The following TDRD7 variants were observed in gnomAD, a reference collection of about 807,000 sequenced individuals.
TDRD7 encodes the protein tudor domain containing 7.
TDRD7 carries 47 observed loss-of-function variants against 109.8 expected under a neutral mutation model. That is an observed-to-expected ratio of 0.43 (90% CI 0.34 to 0.55). The LOEUF is 0.55. Among genes scored for constraint, TDRD7 ranks in the 20% least tolerant of loss-of-function variants. The pLI, the probability that TDRD7 is intolerant of heterozygous loss-of-function variation, is 0.03. For missense variants in TDRD7, 1,164 were observed against 1,319.2 expected (o/e 0.88, Z 1.82); for synonymous variants, 424 against 457.3 (o/e 0.93, Z 0.93).
chr9:97,439,169 A>G, intron 4 of TDRD7, 76 bp from the exon 5 acceptor site: 1 of 1,117,702 alleles, frequency 8.9e-7, no homozygotes, highest in Non-Finnish European at 1.2e-6. Context: ...CTTTAAATGA[A>G]AAGTGTAGTG....
rs752892264 is a variant in TDRD7, at chr9:97,472,417, C to T, written c.1866C>T (p.Thr622=). The change falls in exon 10 of 17, where the codon ACC becomes ACT. Residue 622 remains threonine, a synonymous_variant. Transcript: ENST00000355295. The part of the protein sequence containing the change: ...ADIPLVVLYD[T]SGEDDININA... ...TTCCACTTGTTGTTCTGTACGATAC[C>T]TCAGGAGAAGATGATATCAATATCA... The T allele has an allele frequency of 6.2e-7, 1 of 1,613,832 alleles. No individual in the cohort carries two copies.
rs4397526 is a variant in TDRD7 at position 97,464,729 on chromosome 9, T to C, written c.1443-113T>C. 0.51 allele frequency: 576,798 copies of C among 1,137,292 alleles called. 147,218 individuals are homozygous for C. The highest frequency in any genetic ancestry group is 0.6 in the African/African-American group (39,377 of 65,454). 70.5% of individuals were successfully genotyped at this position (1,137,292 alleles called of 1,614,324 possible). On this transcript the variant is annotated intron_variant, in intron 7 of 16. Coordinates refer to ENST00000355295, the MANE Select transcript of TDRD7 (RefSeq NM_014290.3). ...TCCTCCCTGTTGATATAAGCAAGTC[T>C]GAGACTGGAACCAAAGATGGCAGCA...
chr9:97,456,598 G>A (rs761150331), intron 6 of TDRD7, among the ~76,000 whole-genome samples: 7 of 152,218 alleles, frequency 4.6e-5, no homozygotes, highest in Non-Finnish European at 8.8e-5. Flanking sequence ...AGTAAATGAT[G>A]CTGGGAAAAC....
At chr9:97,493,572 A>AT (rs1186548523) in intron 16 of TDRD7, among the ~76,000 whole-genome samples, 8 of 152,338 alleles carry the variant, frequency 5.3e-5, no homozygotes, top group Non-Finnish European at 1.2e-4. Context: ...ACACGTTGTC[A>AT]TTGATAACAT....
chr9:97,457,613 C>A (rs1430728235), intron 6 of TDRD7, among the ~76,000 whole-genome samples: 1 of 152,132 alleles, frequency 6.6e-6, no homozygotes, highest in Non-Finnish European at 1.5e-5. Flanking sequence ...CTCCTGACCT[C>A]ATGATCTGCC....
At chr9:97,429,981 T>C (rs550208719) in intron 2 of TDRD7, among the ~76,000 whole-genome samples, 1 of 152,286 alleles carries the variant, frequency 6.6e-6, no homozygotes, top group African/African-American at 2.4e-5. Flanking sequence ...CTTGGGTAGG[T>C]AACATTTGTT....
Position 97,457,386 on chromosome 9 carries a change from AT to A in TDRD7, c.856-2782del, listed in dbSNP as rs113786332. Among the ~76,000 whole-genome samples, 178 of 150,672 alleles carry A rather than the reference AT, an allele frequency of 1.2e-3. 1 individual carries two copies. The highest frequency in any genetic ancestry group is 2.7e-3 in the Admixed American group (41 of 15,112). ...CACACACACACACAAATATATATAT[AT>A]TTTTTTTTTGAGACAGAGTCTCAAA... On this transcript the variant is annotated intron_variant, in intron 6 of 16. Transcript: ENST00000355295.
chr9:97,468,418 G>A (rs1024495427), intron 8 of TDRD7, among the ~76,000 whole-genome samples: 1 of 152,208 alleles, frequency 6.6e-6, no homozygotes, highest in Non-Finnish European at 1.5e-5. Context: ...ATTATGGGCT[G>A]GATGTGAAGA....
At chr9:97,421,966 G>A (rs1392236706) in intron 1 of TDRD7, among the ~76,000 whole-genome samples, 1 of 152,002 alleles carries the variant, frequency 6.6e-6, no homozygotes, top group East Asian at 1.9e-4. Flanking sequence ...TTTTCATTTA[G>A]GACCTAAATT....
intron 1 of TDRD7, among the ~76,000 whole-genome samples, chr9:97,415,650 A>G (rs1300467755): frequency 6.6e-6 from 1 of 152,200 alleles, no homozygotes; most frequent in Non-Finnish European, 1.5e-5. Flanking sequence ...AAAAAAGGAA[A>G]GCACGAAAGC....
chr9:97,460,528 C>T lies in TDRD7; in HGVS notation c.1206C>T (p.Leu402=). The change falls in exon 7 of 17, where the codon CTC becomes CTT. Residue 402 remains leucine, a synonymous_variant. Transcript: ENST00000355295. ...CTGGAAATCCCCAGAAGGCCATTCT[C>T]TATGCTAAACTTCCATTGCCCACTG... is the stretch of plus-strand genomic sequence containing the variant. The part of the protein sequence containing the change: ...YISGNPQKAI[L]YAKLPLPTDK... 6.2e-7 allele frequency: 1 copy of T among 1,614,214 alleles called. No homozygotes were observed. The highest frequency in any genetic ancestry group is 8.5e-7 in the Non-Finnish European group (1 of 1,180,038).
intron 16 of TDRD7, among the ~76,000 whole-genome samples, chr9:97,494,646 C>T (rs1176889791): frequency 6.7e-6 from 1 of 149,986 alleles, no homozygotes; most frequent in African/African-American, 2.5e-5. Flanking sequence ...TTATGTAATC[C>T]AGTATATGTG....
chr9:97,474,091 T>C (rs1450277832), intron 11 of TDRD7, among the ~76,000 whole-genome samples: 1 of 152,200 alleles, frequency 6.6e-6, no homozygotes, highest in Non-Finnish European at 1.5e-5. Flanking sequence ...CTCCTTGAGC[T>C]CTTTATGGAC....
At chr9:97,466,715 T>G (rs1396651431) in intron 8 of TDRD7, among the ~76,000 whole-genome samples, 1 of 152,194 alleles carries the variant, frequency 6.6e-6, no homozygotes, top group African/African-American at 2.4e-5. Context: ...TATAATTTCA[T>G]GTAAATGATG....
Position 97,418,787 on chromosome 9 carries a change from G to A in TDRD7, c.-7+6549G>A, listed in dbSNP as rs77979831. On this transcript the variant is annotated intron_variant, in intron 1 of 16. Transcript: ENST00000355295. ...GTGTTCTGTTAGGTTTTAGTAACAGGACACCCATTAGTAAAATGCATTTAT... is the reference window on the plus strand; with the variant it reads ...GTGTTCTGTTAGGTTTTAGTAACAGAACACCCATTAGTAAAATGCATTTAT... Among the ~76,000 whole-genome samples, 515 of 152,250 alleles carry A rather than the reference G, an allele frequency of 3.4e-3. 3 individuals are homozygous for A. Among genetic ancestry groups the A allele is most frequent in the African/African-American group, 0.011 (474 of 41,534 alleles).
chr9:97,419,198 C>T (rs904257560), intron 1 of TDRD7, among the ~76,000 whole-genome samples: 1 of 152,224 alleles, frequency 6.6e-6, no homozygotes, highest in African/African-American at 2.4e-5. Context: ...AGCCCAGTTT[C>T]ACTCAGAAGA....
intron 1 of TDRD7, among the ~76,000 whole-genome samples, chr9:97,421,048 T>C (rs1054915719): frequency 1.3e-5 from 2 of 151,708 alleles, no homozygotes; most frequent in Non-Finnish European, 2.9e-5. Flanking sequence ...GACAGGAGAA[T>C]TGCTTGAACC....
At chr9:97,420,364 T>TGGGGGGGGGGGGG (rs34308257) in intron 1 of TDRD7, among the ~76,000 whole-genome samples, 2 of 66,890 alleles carry the variant, frequency 3.0e-5, no homozygotes, top group Non-Finnish European at 5.6e-5. Context: ...AACTTTTTTT[T>TGGGGGGGGGGGGG]GGGGGGGGCG....
At chr9:97,419,951 C>G (rs1486908283) in intron 1 of TDRD7, among the ~76,000 whole-genome samples, 1 of 152,064 alleles carries the variant, frequency 6.6e-6, no homozygotes, top group Non-Finnish European at 1.5e-5. Flanking sequence ...GTTTTCACAT[C>G]TATAAGTTGA....
Sources: allele counts gnomAD v4.1 joint callset (sites outside exome capture counted in the v4.1 genomes callset), GRCh38; gene constraint gnomAD v4.1.1; transcripts MANE v1.5; gene names NCBI Gene and HGNC (gene_info 2026-07-23, HGNC 2026-07-21).